The following ADH4 variants were observed in gnomAD, a reference collection of about 807,000 sequenced individuals.
The protein encoded by ADH4 is alcohol dehydrogenase 4 (class II), pi polypeptide.
A neutral mutation model predicts 35.2 loss-of-function variants in ADH4; 31 were observed. The ratio of observed to expected loss-of-function variants is 0.88; its 90% CI spans 0.66 to 1.19. ADH4 has a LOEUF of 1.19. Ranked by LOEUF, ADH4 falls within the 50% of genes most tolerant of loss-of-function variation. The pLI, the probability that ADH4 is intolerant of heterozygous loss-of-function variation, is 0.00. For missense variants in ADH4, 476 were observed against 458.3 expected, an observed-to-expected ratio of 1.04 and a Z score of -0.35; for synonymous variants, 171 against 160.2, an observed-to-expected ratio of 1.07 and a Z score of -0.51.
intron 1 of ADH4, chr4:99,143,219 A>G: frequency 1.4e-6 from 1 of 702,106 alleles, no homozygotes; most frequent in South Asian, 1.5e-5. Flanking sequence ...TGCAACTCGA[A>G]GTGTGGTCCT....
intron 4 of ADH4, among the ~76,000 whole-genome samples, chr4:99,137,544 G>A (rs949164472): frequency 3.3e-5 from 5 of 152,180 alleles, no homozygotes; most frequent in African/African-American, 9.6e-5. Flanking sequence ...TTACAGGCAT[G>A]ACCCACCGCA....
chr4:99,124,439 T>C lies in ADH4; in HGVS notation c.*3A>G. ...ATAGTATTCTGAATTGCTCCTGGCA[T>C]CTTCAAAAGATGAGGATTGTTCGGA... On this transcript the variant is annotated 3_prime_UTR_variant, in exon 9 of 9. Transcript: ENST00000265512. 9 of 1,490,708 alleles carry C rather than the reference T, an allele frequency of 6.0e-6. No individual in the cohort carries two copies. The highest frequency in any genetic ancestry group is 8.3e-6 in the Non-Finnish European group (9 of 1,079,360). The allele number at this position is 1,490,708 out of a possible 1,614,324, so 92.3% of individuals were successfully genotyped here.
At chr4:99,133,182 A>G (rs1431114756) in intron 5 of ADH4, among the ~76,000 whole-genome samples, 1 of 152,184 alleles carries the variant, frequency 6.6e-6, no homozygotes, top group Non-Finnish European at 1.5e-5. Context: ...ATGCTGCATT[A>G]CTTGTATTAT....
At chr4:99,129,780 T>C (rs898539104) in intron 6 of ADH4, among the ~76,000 whole-genome samples, 5 of 152,222 alleles carry the variant, frequency 3.3e-5, no homozygotes, top group African/African-American at 1.2e-4. Flanking sequence ...CCAGTACAAC[T>C]TGATTCTGTA....
At chr4:99,143,240 T>C (rs762587066) in intron 1 of ADH4, 11 of 701,860 alleles carry the variant, frequency 1.6e-5, no homozygotes, top group Non-Finnish European at 2.1e-5. Context: ...CGGACAAGCA[T>C]TTATTCACAT....
chr4:99,127,332 C>A lies in ADH4; in HGVS notation c.856G>T (p.Asp286Tyr). Residue 286 changes from aspartate (D) to tyrosine (Y), a missense_variant, in exon 7 of 9, where the codon GAC (aspartate) becomes TAC (tyrosine). Asp to Tyr is a radical substitution (Grantham distance 160). Coordinates refer to ENST00000265512, the MANE Select transcript of ADH4 (RefSeq NM_000670.5). ...GATCCCCAGCCTGCGGTTGTACAGT[C>A]CAGGGCTGCTTTCTGTGATGGAGCA... ...GGSETMKAALDCTTAGWGSCT... is the reference protein window; with the variant it reads ...GGSETMKAALYCTTAGWGSCT... 6.3e-7 allele frequency: 1 copy of A among 1,596,642 alleles called. No homozygotes were observed. The highest frequency in any genetic ancestry group is 8.5e-7 in the Non-Finnish European group (1 of 1,172,920).
At position 99,141,532 on chromosome 4, in the gene ADH4, A is replaced by G; in HGVS notation, c.262+9T>C. The G allele has an allele frequency of 6.2e-7, 1 of 1,602,318 alleles. No homozygotes were observed. Among genetic ancestry groups the G allele is most frequent in the South Asian group, 1.1e-5 (1 of 89,432 alleles). On this transcript the variant is annotated intron_variant, in intron 3 of 8. Coordinates refer to ENST00000265512, the MANE Select transcript of ADH4 (RefSeq NM_000670.5). ...GACATTTCCATTTTTTCTGAATAAA[A>G]TAAAATACCTGGTTTGACGTTGGTC...
At chr4:99,129,871 C>G (rs896302333) in intron 6 of ADH4, among the ~76,000 whole-genome samples, 1 of 151,964 alleles carries the variant, frequency 6.6e-6, no homozygotes, top group Non-Finnish European at 1.5e-5. Context: ...TTATGTATTC[C>G]CCTGCTGTAC....
chr4:99,136,906 A>G (rs933592435), intron 4 of ADH4, among the ~76,000 whole-genome samples: 6 of 152,156 alleles, frequency 3.9e-5, no homozygotes, highest in South Asian at 2.1e-4. Context: ...ATTTTTTAAA[A>G]AGTGACAGGG....
At position 99,127,347 on chromosome 4, in the gene ADH4, G is replaced by T; in HGVS notation, c.844-3C>A. 6.3e-7 allele frequency: 1 copy of T among 1,588,728 alleles called. No individual in the cohort carries two copies. ...GTTGTACAGTCCAGGGCTGCTTTCT[G>T]TGATGGAGCATAAAAGAATACTTGA... is the stretch of plus-strand genomic sequence containing the variant. On this transcript the variant is annotated splice_region_variant and splice_polypyrimidine_tract_variant and intron_variant, in intron 6 of 8. Coordinates refer to ENST00000265512, the MANE Select transcript of ADH4 (RefSeq NM_000670.5).
intron 6 of ADH4, among the ~76,000 whole-genome samples, chr4:99,130,680 T>C (rs1489888804): frequency 6.6e-6 from 1 of 152,156 alleles, no homozygotes; most frequent in Non-Finnish European, 1.5e-5. Flanking sequence ...TTTAGGTCAG[T>C]GGTTCTCAAC....
intron 3 of ADH4, among the ~76,000 whole-genome samples, chr4:99,139,362 C>T (rs4699713): frequency 0.21 from 31,867 of 152,032 alleles, 3,983 homozygotes; most frequent in Non-Finnish European, 0.28. Context: ...GCTAGGCAGT[C>T]CAGCAACAAA....
chr4:99,142,108 T>C (rs1339196975), intron 2 of ADH4, among the ~76,000 whole-genome samples: 1 of 152,234 alleles, frequency 6.6e-6, no homozygotes, highest in Admixed American at 6.5e-5. Flanking sequence ...CCATTCACTC[T>C]CATGTACAGA....
chr4:99,128,182 C>A (rs1729158034), intron 6 of ADH4, among the ~76,000 whole-genome samples: 1 of 152,170 alleles, frequency 6.6e-6, no homozygotes, highest in Non-Finnish European at 1.5e-5. Flanking sequence ...CGCCTGTAAT[C>A]CCAGCACTTT....
intron 6 of ADH4, among the ~76,000 whole-genome samples, chr4:99,129,189 A>G (rs1729195224): frequency 6.6e-6 from 1 of 152,088 alleles, no homozygotes; most frequent in Non-Finnish European, 1.5e-5. Context: ...AGTAGGGGAG[A>G]GAAATGTAAA....
chr4:99,137,183 A>G (rs896163753), intron 4 of ADH4, among the ~76,000 whole-genome samples: 1 of 151,194 alleles, frequency 6.6e-6, no homozygotes, highest in Non-Finnish European at 1.5e-5. Flanking sequence ...GCTGGAGTGC[A>G]GTGGCGCGAT....
In ADH4 at chr4:99,131,547, C is replaced by T; in HGVS notation, c.800G>A (p.Gly267Asp). ...QEVIIELTKG[G>D]VDFALDCAGG... is the part of the protein sequence containing the mutation. ...TGCACAGTCAAGGGCAAAATCCACA[C>T]CTCCCTTGGTCAATTCAATGATAAC... is the stretch of plus-strand genomic sequence containing the variant. Residue 267 changes from glycine to aspartate, a missense_variant, in exon 6 of 9, where the codon GGT becomes GAT. Physicochemically the swap from Gly to Asp is moderately conservative, Grantham distance 94. Transcript: ENST00000265512. 6.2e-7 allele frequency: 1 copy of T among 1,614,070 alleles called. No homozygotes were observed. Among genetic ancestry groups the T allele is most frequent in the Non-Finnish European group, 8.5e-7 (1 of 1,179,998 alleles).
In ADH4 at chr4:99,131,729, T is replaced by A; in HGVS notation, c.618A>T (p.Leu206=). The part of the protein sequence containing the change: ...TPGSTCAVFG[L]GGVGLSAVMG... ...TTACAGCAGAAAGACCCACACCTCCTAGGCCAAAGACAGCACAAGTCGAAC... is the reference window on the plus strand; with the variant it reads ...TTACAGCAGAAAGACCCACACCTCCAAGGCCAAAGACAGCACAAGTCGAAC... Residue 206 remains leucine, a synonymous_variant, in exon 6 of 9, where the codon CTA becomes CTT. Coordinates refer to ENST00000265512, the MANE Select transcript of ADH4 (RefSeq NM_000670.5). 6.2e-7 allele frequency: 1 copy of A among 1,614,110 alleles called. No homozygotes were observed. The highest frequency in any genetic ancestry group is 8.5e-7 in the Non-Finnish European group (1 of 1,180,004).
intron 1 of ADH4, 108 bp downstream of exon 1, chr4:99,144,097 C>A: frequency 7.7e-7 from 1 of 1,298,662 alleles, no homozygotes. Flanking sequence ...TCCTTTTGAT[C>A]AACTGTAAGT....
Sources: allele counts gnomAD v4.1 joint callset (sites outside exome capture counted in the v4.1 genomes callset), GRCh38; gene constraint gnomAD v4.1.1; transcripts MANE v1.5; gene names NCBI Gene and HGNC (gene_info 2026-07-23, HGNC 2026-07-21).